Variants in RARB observed in about 807,000 individuals in gnomAD.
The protein encoded by RARB is retinoic acid receptor beta, also known as HBV-activated protein.
Under a neutral mutation model 51.9 loss-of-function variants are expected in RARB, and 17 were observed. The ratio of observed to expected loss-of-function variants is 0.33; its 90% confidence interval spans 0.22 to 0.49. The LOEUF is 0.49. Ranked by LOEUF, RARB falls within the 20% of genes least tolerant of loss-of-function variation. RARB has a pLI of 0.99. For missense variants in RARB, 369 were observed against 550.8 expected (o/e 0.67, Z 3.30); for synonymous variants, 215 against 195.4 (o/e 1.10, Z -0.84).
At chr3:24,985,081 C>T (rs1032629880) in intron 2 of RARB, among the ~76,000 whole-genome samples, 1 of 152,164 alleles carries the variant, frequency 6.6e-6, no homozygotes. Flanking sequence ...TCAGTCATAT[C>T]ATAAACTCAT....
chr3:25,099,507 A>G (rs995406438), intron 3 of RARB, among the ~76,000 whole-genome samples: 2 of 152,000 alleles, frequency 1.3e-5, no homozygotes, highest in African/African-American at 4.8e-5. Context: ...ATTAAGATGC[A>G]TATGTATCAT....
intron 2 of RARB, among the ~76,000 whole-genome samples, chr3:25,025,402 T>A (rs1697725771): frequency 6.6e-6 from 1 of 152,230 alleles, no homozygotes. Context: ...AACTAAACTG[T>A]ATAGACTTGT....
At chr3:25,362,555 C>G (rs1023358174) in intron 5 of RARB, among the ~76,000 whole-genome samples, 1 of 152,152 alleles carries the variant, frequency 6.6e-6, no homozygotes, top group African/African-American at 2.4e-5. Flanking sequence ...CGGTGACTGC[C>G]CAAAAGCTGC....
intron 4 of RARB, among the ~76,000 whole-genome samples, chr3:25,139,959 G>T (rs1386062196): frequency 3.3e-5 from 5 of 152,154 alleles, no homozygotes; most frequent in Admixed American, 3.3e-4. Context: ...TCTGTTTGCA[G>T]CCAGGTTTAC....
rs146254273 is a variant in RARB at position 25,092,772 on chromosome 3, A to G, written c.-328+32596A>G. ...GGTTATGGAGACATTTTTCCACTGA[A>G]TGGATTCCCAGATAATGTCACCTGA... On this transcript the variant is annotated intron_variant, in intron 3 of 11. Coordinates refer to the RARB transcript ENST00000383772. Among the ~76,000 whole-genome samples, 469 of 152,210 alleles carry G rather than the reference A, an allele frequency of 3.1e-3. 1 individual carries two copies. Among genetic ancestry groups the G allele is most frequent in the Non-Finnish European group, 5.1e-3 (349 of 68,006 alleles).
At chr3:25,188,471 C>G (rs1285024269) in intron 5 of RARB, among the ~76,000 whole-genome samples, 3 of 152,086 alleles carry the variant, frequency 2.0e-5, no homozygotes, top group Admixed American at 1.3e-4. Flanking sequence ...AAGAAATTAA[C>G]CCTTCAGAGG....
At chr3:25,422,055 G>T (rs1707878311) in intron 5 of RARB, among the ~76,000 whole-genome samples, 1 of 152,138 alleles carries the variant, frequency 6.6e-6, no homozygotes, top group Non-Finnish European at 1.5e-5. Context: ...TTGAAATATG[G>T]TTAATGTGAC....
intron 2 of RARB, among the ~76,000 whole-genome samples, chr3:25,048,239 T>C (rs2125298282): frequency 6.6e-6 from 1 of 152,340 alleles, no homozygotes; most frequent in East Asian, 1.9e-4. Flanking sequence ...ATTATCTACT[T>C]AGTGAAAAGC....
At chr3:25,058,621 C>T (rs1286221839) in intron 2 of RARB, among the ~76,000 whole-genome samples, 3 of 151,598 alleles carry the variant, frequency 2.0e-5, no homozygotes, top group Admixed American at 6.6e-5. Flanking sequence ...TGTCCTAAGA[C>T]ACAGAATAAG....
chr3:25,136,758 G>T (rs142033945), intron 4 of RARB, among the ~76,000 whole-genome samples: 1 of 152,114 alleles, frequency 6.6e-6, no homozygotes, highest in Non-Finnish European at 1.5e-5. Context: ...AGGATGGGGG[G>T]AGAGTTTGGG....
intron 5 of RARB, among the ~76,000 whole-genome samples, chr3:25,196,087 ATTC>A (rs1701226690): frequency 6.6e-6 from 1 of 151,944 alleles, no homozygotes; most frequent in African/African-American, 2.4e-5. Flanking sequence ...TTTTACTTTT[ATTC>A]TTTATGTTCT....
intron 1 of RARB, among the ~76,000 whole-genome samples, chr3:25,456,835 A>G (rs1694947226): frequency 6.6e-6 from 1 of 151,312 alleles, no homozygotes; most frequent in Admixed American, 6.6e-5. Flanking sequence ...CATTCAAATT[A>G]TGTTCATTTA....
chr3:25,353,785 G>T (rs770550406), intron 5 of RARB, among the ~76,000 whole-genome samples: 2 of 151,950 alleles, frequency 1.3e-5, no homozygotes, highest in African/African-American at 4.8e-5. Context: ...TAGGCCCAGC[G>T]GTCTTTGACC....
chr3:25,201,505 T>G (rs1701388702), intron 5 of RARB, among the ~76,000 whole-genome samples: 2 of 152,312 alleles, frequency 1.3e-5, no homozygotes, highest in Non-Finnish European at 2.9e-5. Context: ...CCCTGTCTTG[T>G]GCCAGTTTTC....
At chr3:25,129,206 G>T (rs56034169) in intron 3 of RARB, among the ~76,000 whole-genome samples, 12,531 of 152,072 alleles carry the variant, frequency 0.082, 660 homozygotes, top group Non-Finnish European at 0.13. Flanking sequence ...TAGTGGAAAA[G>T]AATTATTTCA....
chr3:24,881,228 T>A lies in RARB; in HGVS notation c.-380+22476T>A, dbSNP rs12636804. On this transcript the variant is annotated intron_variant, in intron 2 of 11. Coordinates refer to the RARB transcript ENST00000383772. ...TGAGGCTTCCCCAGCCATGCAGAAC[T>A]GTGAGCCAATTAAGCCTCTTGTTTA... is the stretch of plus-strand genomic sequence containing the variant. 0.011 allele frequency among the ~76,000 whole-genome samples: 1,735 copies of A among 152,360 alleles called. 71 individuals are homozygous for A. The East Asian group carries it at 0.14, about 13-fold the overall frequency.
At chr3:25,122,384 A>T (rs1480800713) in intron 3 of RARB, among the ~76,000 whole-genome samples, 2 of 151,930 alleles carry the variant, frequency 1.3e-5, no homozygotes, top group Non-Finnish European at 2.9e-5. Flanking sequence ...TTTGAAACTA[A>T]CTGCTTTTAA....
chr3:25,008,813 C>G (rs1302597754), intron 2 of RARB, among the ~76,000 whole-genome samples: 1 of 152,062 alleles, frequency 6.6e-6, no homozygotes, highest in Non-Finnish European at 1.5e-5. Context: ...TATGGACATT[C>G]CCAATATAAT....
chr3:25,372,996 T>G (rs1016495269), intron 5 of RARB, among the ~76,000 whole-genome samples: 1 of 151,894 alleles, frequency 6.6e-6, no homozygotes, highest in Non-Finnish European at 1.5e-5. Context: ...ATTTGGTGAT[T>G]AGGAGTGTTT....
Sources: gnomAD v4.1 joint callset for allele counts (sites outside exome capture counted in the v4.1 genomes callset) on GRCh38, gnomAD v4.1.1 for gene constraint, MANE v1.5 for transcripts, NCBI Gene and HGNC (gene_info 2026-07-23, HGNC 2026-07-21) for gene names.